KAT6B: variants seen among roughly 807,000 people sequenced by gnomAD.
The protein encoded by KAT6B is lysine acetyltransferase 6B.
In KAT6B, 10 loss-of-function variants were observed where a neutral mutation model predicts 187.5. That is an observed-to-expected ratio of 0.05 (90% confidence interval 0.03 to 0.09). The LOEUF is 0.09. Among genes scored for constraint, KAT6B ranks in the 10% least tolerant of loss-of-function variants. The pLI is 1.00. For synonymous variants in KAT6B, 861 were observed against 926.8 expected, an observed-to-expected ratio of 0.93 and a Z score of 1.29; for missense variants, 1,952 against 2,558.9, an observed-to-expected ratio of 0.76 and a Z score of 5.12.
intron 13 of KAT6B, 75 bp from the exon 14 acceptor site, chr10:75,020,507 T>C (rs749321639): frequency 8.8e-6 from 9 of 1,020,502 alleles, no homozygotes; most frequent in South Asian, 1.3e-5. Flanking sequence ...ACTACTCATA[T>C]TATTTCTAGT....
intron 3 of KAT6B, among the ~76,000 whole-genome samples, chr10:74,888,219 T>TA (rs1020336843): frequency 6.6e-6 from 1 of 152,222 alleles, no homozygotes; most frequent in African/African-American, 2.4e-5. Flanking sequence ...TACATGTAAG[T>TA]AATCTTGGGT....
intron 4 of KAT6B, among the ~76,000 whole-genome samples, chr10:74,965,385 C>A (rs1349522496): frequency 6.6e-6 from 1 of 152,180 alleles, no homozygotes; most frequent in Non-Finnish European, 1.5e-5. Context: ...AATGCTCATT[C>A]TTGTTTAATG....
At chr10:75,007,030 T>TGTACTCCAGCCTGGGCAACAGAGTG (rs1844251071) in intron 13 of KAT6B, among the ~76,000 whole-genome samples, 1 of 148,178 alleles carries the variant, frequency 6.7e-6, no homozygotes, top group Admixed American at 6.8e-5. Flanking sequence ...ATCGTGCCAC[T>TGTACTCCAGCCTGGGCAACAGAGTG]GTACTCCAGC....
Position 74,953,430 on chromosome 10 carries a change from T to C in KAT6B, c.622-6540T>C, listed in dbSNP as rs1840455195. Among the ~76,000 whole-genome samples the C allele has an allele frequency of 2.0e-5, 3 of 152,210 alleles. No homozygotes were observed. The South Asian group carries it at 6.2e-4, about 32-fold the overall frequency. On this transcript the variant is annotated intron_variant, in intron 3 of 17. Transcript: ENST00000287239. ...TCCACACTCACTCACATTTGAACTT[T>C]AACAACCCGAGAGCTAGACAACACA...
intron 3 of KAT6B, among the ~76,000 whole-genome samples, chr10:74,861,356 C>T (rs772329375): frequency 4.6e-5 from 7 of 152,268 alleles, no homozygotes; most frequent in African/African-American, 9.6e-5. Flanking sequence ...CCTTTTCAAA[C>T]GATCATTGGA....
chr10:74,957,170 T>A (rs1349104644), intron 3 of KAT6B, among the ~76,000 whole-genome samples: 1 of 152,362 alleles, frequency 6.6e-6, no homozygotes, highest in Middle Eastern at 3.4e-3. Context: ...CCCATTTACA[T>A]GCGTTACTGT....
chr10:74,856,966 C>T (rs144191198), intron 3 of KAT6B, among the ~76,000 whole-genome samples: 1 of 152,118 alleles, frequency 6.6e-6, no homozygotes, highest in African/African-American at 2.4e-5. Context: ...TGTGAGATAC[C>T]AGGAGATAAA....
chr10:74,886,023 G>A (rs930083370), intron 3 of KAT6B, among the ~76,000 whole-genome samples: 3 of 152,132 alleles, frequency 2.0e-5, no homozygotes, highest in Non-Finnish European at 2.9e-5. Flanking sequence ...GAGCCACTGC[G>A]CCCGGCCAGG....
At chr10:74,962,338 A>G (rs1404498774) in intron 4 of KAT6B, among the ~76,000 whole-genome samples, 1 of 152,230 alleles carries the variant, frequency 6.6e-6, no homozygotes, top group African/African-American at 2.4e-5. Flanking sequence ...GGAAAAAAGA[A>G]AACAATAGGC....
intron 3 of KAT6B, among the ~76,000 whole-genome samples, chr10:74,930,419 G>A (rs1848791177): frequency 6.6e-6 from 1 of 152,276 alleles, no homozygotes; most frequent in South Asian, 2.1e-4. Context: ...AACAAGAATT[G>A]TATTTAACTT....
At chr10:75,004,479 G>T (rs2133997033) in intron 13 of KAT6B, among the ~76,000 whole-genome samples, 1 of 152,224 alleles carries the variant, frequency 6.6e-6, no homozygotes, top group South Asian at 2.1e-4. Flanking sequence ...CCATCCTTCA[G>T]CAAACATGCT....
chr10:74,940,518 C>T (rs1213752532), intron 3 of KAT6B, among the ~76,000 whole-genome samples: 2 of 151,744 alleles, frequency 1.3e-5, no homozygotes, highest in Non-Finnish European at 2.9e-5. Context: ...TCGTGATTCG[C>T]CCGCCTCAGC....
chr10:74,908,244 A>T (rs558205576), intron 3 of KAT6B, among the ~76,000 whole-genome samples: 26 of 152,144 alleles, frequency 1.7e-4, no homozygotes, highest in Non-Finnish European at 3.4e-4. Context: ...TCGAACTTGG[A>T]CTTCTCAGTC....
chr10:74,954,452 A>T (rs1387999478), intron 3 of KAT6B, among the ~76,000 whole-genome samples: 3 of 152,160 alleles, frequency 2.0e-5, no homozygotes, highest in Non-Finnish European at 2.9e-5. Context: ...AACCACAATT[A>T]AAAAAATAAA....
chr10:74,894,145 C>T (rs1386458573), intron 3 of KAT6B, among the ~76,000 whole-genome samples: 17 of 152,162 alleles, frequency 1.1e-4, no homozygotes, highest in African/African-American at 3.9e-4. Flanking sequence ...TGCAATGGCA[C>T]GATCTCGGCT....
intron 3 of KAT6B, among the ~76,000 whole-genome samples, chr10:74,912,166 AT>A (rs573223816): frequency 6.5e-4 from 98 of 150,172 alleles, no homozygotes; most frequent in South Asian, 6.3e-4. Context: ...ATTATGCTCA[AT>A]TTTTTTTTTA....
intron 13 of KAT6B, among the ~76,000 whole-genome samples, chr10:74,996,295 G>A (rs1408277201): frequency 1.3e-5 from 2 of 152,162 alleles, no homozygotes; most frequent in Admixed American, 6.5e-5. Flanking sequence ...TAGTATTTTG[G>A]ACAGTATGCC....
At chr10:75,008,508 TTGTC>T (rs1461958864) in intron 13 of KAT6B, among the ~76,000 whole-genome samples, 1 of 152,230 alleles carries the variant, frequency 6.6e-6, no homozygotes, top group African/African-American at 2.4e-5. Flanking sequence ...AAGAAGGTGA[TTGTC>T]TGTTCATAGA....
At chr10:74,906,572 G>A (rs1003903951) in intron 3 of KAT6B, among the ~76,000 whole-genome samples, 2 of 152,146 alleles carry the variant, frequency 1.3e-5, no homozygotes, top group African/African-American at 4.8e-5. Flanking sequence ...AAAAGAATAT[G>A]GGATAAGAGA....
Sources: allele counts gnomAD v4.1 joint callset (sites outside exome capture counted in the v4.1 genomes callset), GRCh38; gene constraint gnomAD v4.1.1; transcripts MANE v1.5; gene names NCBI Gene and HGNC (gene_info 2026-07-23, HGNC 2026-07-21).